ABCB10: variants seen among roughly 807,000 people sequenced by gnomAD.
ABCB10 encodes ATP binding cassette subfamily B member 10, also known as ATP-binding cassette sub-family B member 10, mitochondrial.
Under a neutral mutation model 65.4 loss-of-function variants are expected in ABCB10, and 54 were observed. The observed-to-expected ratio is 0.83, with a 90% CI of 0.66 to 1.04. ABCB10 has a LOEUF of 1.04. Among genes scored for constraint, ABCB10 ranks in the 50% least tolerant of loss-of-function variants. The pLI, the probability that ABCB10 is intolerant of heterozygous loss-of-function variation, is 0.00. For missense variants in ABCB10, 846 were observed against 976.6 expected (o/e 0.87, Z 1.78); for synonymous variants, 418 against 406.5 (o/e 1.03, Z -0.34).
At chr1:229,557,426 G>A (rs1663282293) in intron 1 of ABCB10, among the ~76,000 whole-genome samples, 1 of 152,200 alleles carries the variant, frequency 6.6e-6, no homozygotes. Context: ...AAGGAGTGAA[G>A]ATTTAGAGAA....
intron 6 of ABCB10, among the ~76,000 whole-genome samples, chr1:229,538,129 AGTG>A (rs550894494): frequency 6.1e-4 from 93 of 152,354 alleles, no homozygotes; most frequent in African/African-American, 2.1e-3. Flanking sequence ...TCCCATAACC[AGTG>A]GTGGTAACTG....
At chr1:229,539,385 TCA>T in intron 6 of ABCB10, 69 bp downstream of exon 6, 4 of 1,561,428 alleles carry the variant, frequency 2.6e-6, no homozygotes, top group Non-Finnish European at 3.5e-6. Flanking sequence ...ATGTGAAAGT[TCA>T]GTTTCTCTTT....
At chr1:229,550,962 G>A (rs964153542) in intron 1 of ABCB10, among the ~76,000 whole-genome samples, 2 of 151,910 alleles carry the variant, frequency 1.3e-5, no homozygotes, top group African/African-American at 4.8e-5. Context: ...TTAAAAGATA[G>A]TGATGGGGGT....
chr1:229,518,376 C>T lies in ABCB10; in HGVS notation c.2020G>A (p.Glu674Lys). 1 of 1,614,182 alleles carries T rather than the reference C, an allele frequency of 6.2e-7. No individual in the cohort carries two copies. Among genetic ancestry groups the T allele is most frequent in the Non-Finnish European group, 8.5e-7 (1 of 1,180,024 alleles). Reference protein sequence around the residue: ...LDAENEYLVQEALDRLMDGRT... With the variant: ...LDAENEYLVQKALDRLMDGRT... ...CCATCCATCAGTCGATCTAGAGCTT[C>T]TTGAACAAGGTACTCATTTTCGGCA... The change falls in exon 13 of 13, where the codon GAA (glutamate) becomes AAA (lysine). Residue 674 changes from glutamate (E) to lysine (K), a missense_variant. Glu to Lys is a moderately conservative substitution (Grantham distance 56). This residue lies in a region of ABCB10 where 632 missense variants were observed against 803.2 expected (regional missense o/e 0.79). Coordinates refer to ENST00000344517, the MANE Select transcript of ABCB10 (RefSeq NM_012089.3).
At chr1:229,528,099 T>G (rs1036176733) in intron 8 of ABCB10, among the ~76,000 whole-genome samples, 1 of 152,192 alleles carries the variant, frequency 6.6e-6, no homozygotes, top group Non-Finnish European at 1.5e-5. Context: ...GAAATGCCAT[T>G]TCTTCTCAGT....
chr1:229,539,622 T>C, intron 5 of ABCB10, 31 bp from the exon 6 acceptor site: 1 of 1,603,444 alleles, frequency 6.2e-7, no homozygotes, highest in Non-Finnish European at 8.5e-7. Flanking sequence ...AGAAGTCAGG[T>C]GGGAATCAAG....
chr1:229,531,670 C>G lies in ABCB10; in HGVS notation c.1401G>C (p.Glu467Asp). ...KGLGAGGRLW[E>D]LLEREPKLPF... ...GCAGCTTGGGCTCTCTCTCCAGGAG[C>G]TCCCAGAGGCGCCCCCCTGCACCCA... The change falls in exon 7 of 13, where the codon GAG becomes GAC. Residue 467 changes from glutamate to aspartate, a missense_variant. Transcript: ENST00000344517. The G allele has an allele frequency of 1.2e-6, 2 of 1,613,954 alleles. No individual in the cohort carries two copies. The highest frequency in any genetic ancestry group is 1.7e-6 in the Non-Finnish European group (2 of 1,179,866).
At chr1:229,523,652 GGGAATCTATTACTA>G (rs1469546865) in intron 10 of ABCB10, among the ~76,000 whole-genome samples, 1 of 152,088 alleles carries the variant, frequency 6.6e-6, no homozygotes, top group Non-Finnish European at 1.5e-5. Flanking sequence ...TCAGTACCCT[GGGAATCTATTACTA>G]GGTGCTCTGT....
intron 1 of ABCB10, among the ~76,000 whole-genome samples, chr1:229,555,254 C>A (rs971518281): frequency 2.7e-4 from 41 of 152,348 alleles, no homozygotes; most frequent in African/African-American, 8.9e-4. Context: ...CATCTATCTG[C>A]CAGGCACAGC....
At chr1:229,557,331 G>A (rs79729359) in intron 1 of ABCB10, among the ~76,000 whole-genome samples, 12,094 of 152,234 alleles carry the variant, frequency 0.079, 686 homozygotes, top group South Asian at 0.23. Context: ...AGAAGCCCCA[G>A]CAGAAGTGAG....
intron 2 of ABCB10, among the ~76,000 whole-genome samples, chr1:229,548,544 T>C (rs1222309983): frequency 6.6e-6 from 1 of 152,136 alleles, no homozygotes; most frequent in Non-Finnish European, 1.5e-5. Flanking sequence ...CTAACAAAGT[T>C]ATCATCCCAG....
At position 229,539,524 on chromosome 1, in the gene ABCB10, G is replaced by GC; in HGVS notation, c.1270dup (p.Ala424GlyfsTer7). 1 of 1,614,052 alleles carries GC rather than the reference G, an allele frequency of 6.2e-7. No individual in the cohort carries two copies. The highest frequency in any genetic ancestry group is 8.5e-7 in the Non-Finnish European group (1 of 1,179,952). On this transcript the variant is annotated frameshift_variant, in exon 6 of 13. Transcript: ENST00000344517. LOFTEE classifies it high-confidence loss of function. ...AGAGAGTTCACCCACGGTCATGTGGGCACTGCCCATCAGCAGCCCTCCTTT... is the reference window on the plus strand; with the variant it reads ...AGAGAGTTCACCCACGGTCATGTGGGCCACTGCCCATCAGCAGCCCTCCTTT...
chr1:229,557,613 T>TACA (rs1204344661), intron 1 of ABCB10, among the ~76,000 whole-genome samples: 49 of 152,352 alleles, frequency 3.2e-4, no homozygotes, highest in African/African-American at 1.2e-3. Context: ...TGTGGCCTGT[T>TACA]GAACACAGTG....
chr1:229,544,479 A>G (rs1662923513), intron 3 of ABCB10, among the ~76,000 whole-genome samples: 1 of 151,102 alleles, frequency 6.6e-6, no homozygotes, highest in Non-Finnish European at 1.5e-5. Context: ...GGGTAGGCCC[A>G]CTATGTAAAT....
In ABCB10 at chr1:229,558,331, G is replaced by A; in HGVS notation, c.322C>T (p.Pro108Ser). 8.0e-7 allele frequency: 1 copy of A among 1,257,102 alleles called. No individual in the cohort carries two copies. The highest frequency in any genetic ancestry group is 1.0e-6 in the Non-Finnish European group (1 of 991,366). 77.9% of individuals were successfully genotyped at this position (1,257,102 alleles called of 1,614,324 possible). The change falls in exon 1 of 13, where the codon CCA becomes TCA. Residue 108 changes from proline to serine, a missense_variant. Pro to Ser is a moderately conservative substitution (Grantham distance 74, BLOSUM62 -1). This residue lies in a region of ABCB10 where 214 missense variants were observed against 173.5 expected (regional missense o/e 1.23). Coordinates refer to ENST00000344517, the MANE Select transcript of ABCB10 (RefSeq NM_012089.3). The part of the protein sequence containing the change: ...GSCRCGAFAG[P>S]GAPRLPRARF... Reference sequence around the variant, plus strand: ...GCGCGCGGGAGCCGAGGAGCGCCTGGCCCGGCAAAAGCCCCGCACCTGCAG... The same window carrying A: ...GCGCGCGGGAGCCGAGGAGCGCCTGACCCGGCAAAAGCCCCGCACCTGCAG...
chr1:229,537,219 A>C lies in ABCB10; in HGVS notation c.1339+2237T>G, dbSNP rs915198067. Reference sequence around the variant, plus strand: ...ATGAAATGGTTTGGGAACTAGATGGAGGTAGTGGTTGCACAGCATTATGAA... The same window carrying C: ...ATGAAATGGTTTGGGAACTAGATGGCGGTAGTGGTTGCACAGCATTATGAA... On this transcript the variant is annotated intron_variant, in intron 6 of 12. Coordinates refer to ENST00000344517, the MANE Select transcript of ABCB10 (RefSeq NM_012089.3). 1.1e-4 allele frequency among the ~76,000 whole-genome samples: 17 copies of C among 152,318 alleles called. 1 individual carries two copies. The highest frequency in any genetic ancestry group is 2.1e-4 in the South Asian group (1 of 4,830).
At chr1:229,551,426 A>T (rs973652678) in intron 1 of ABCB10, among the ~76,000 whole-genome samples, 6 of 152,216 alleles carry the variant, frequency 3.9e-5, no homozygotes, top group Non-Finnish European at 5.9e-5. Flanking sequence ...TTTGTCACTG[A>T]TTGCCTACAG....
chr1:229,547,410 C>T (rs1662995050), intron 3 of ABCB10, 89 bp downstream of exon 3: 8 of 1,478,468 alleles, frequency 5.4e-6, no homozygotes, highest in Non-Finnish European at 7.4e-6. Context: ...TGATGCGAAC[C>T]GCTCAGCTTG....
At chr1:229,537,230 G>C (rs547643599) in intron 6 of ABCB10, among the ~76,000 whole-genome samples, 8 of 152,192 alleles carry the variant, frequency 5.3e-5, no homozygotes, top group Non-Finnish European at 1.2e-4. Context: ...GGTAGTGGTT[G>C]CACAGCATTA....
Sources: allele counts gnomAD v4.1 joint callset (sites outside exome capture counted in the v4.1 genomes callset), GRCh38; gene constraint gnomAD v4.1.1; regional missense constraint gnomAD v4.1.1; transcripts MANE v1.5; gene names NCBI Gene and HGNC (gene_info 2026-07-23, HGNC 2026-07-21).